The following DSCAML1 variants were observed in gnomAD, a reference collection of about 807,000 sequenced individuals.
DSCAML1 encodes the protein DS cell adhesion molecule like 1, also known as cell adhesion molecule DSCAML1.
DSCAML1 carries 38 observed loss-of-function variants against 200.5 expected under a neutral mutation model. The ratio of observed to expected loss-of-function variants is 0.19; its 90% CI spans 0.15 to 0.25. The LOEUF (loss-of-function observed/expected upper bound fraction) is 0.25, where lower values mean the gene tolerates loss of function less well. DSCAML1 is among the 10% of genes least tolerant of loss of function. The probability of loss-of-function intolerance (pLI) is 1.00; values close to 1 mark genes in which losing one functional copy is unlikely to be tolerated. For missense variants in DSCAML1, 2,223 were observed against 2,858.8 expected (o/e 0.78, Z 5.07); for synonymous variants, 1,215 against 1,165.0 (o/e 1.04, Z -0.87).
chr11:117,811,071 G>C (rs180697087), intron 1 of DSCAML1, among the ~76,000 whole-genome samples: 1 of 152,048 alleles, frequency 6.6e-6, no homozygotes, highest in Non-Finnish European at 1.5e-5. Context: ...TTACAGTTTC[G>C]TTCTGTGACT....
At chr11:117,523,301 T>C (rs1291250182) in intron 5 of DSCAML1, among the ~76,000 whole-genome samples, 1 of 151,198 alleles carries the variant, frequency 6.6e-6, no homozygotes, top group Non-Finnish European at 1.5e-5. Flanking sequence ...AGAGAGAGAG[T>C]GTAGAGCAGG....
At chr11:117,661,576 A>G (rs2052854104) in intron 3 of DSCAML1, among the ~76,000 whole-genome samples, 1 of 152,128 alleles carries the variant, frequency 6.6e-6, no homozygotes, top group South Asian at 2.1e-4. Context: ...TCTCCCCTCC[A>G]ATCAGTCCCA....
At position 117,602,144 on chromosome 11, in the gene DSCAML1, C is replaced by T. The variant is rs913445152; in HGVS notation, c.512-69622G>A. On this transcript the variant is annotated intron_variant, in intron 3 of 32. Transcript: ENST00000651296. ...ATGGCCCAGAGGTGCTGCCTTCTCA[C>T]GACCTCTAAAAACAGAAGTTTAATT... 1.3e-4 allele frequency among the ~76,000 whole-genome samples: 20 copies of T among 152,262 alleles called. 1 individual carries two copies. The highest frequency in any genetic ancestry group is 3.4e-4 in the African/African-American group (14 of 41,472).
At chr11:117,749,991 A>G (rs147924712) in intron 3 of DSCAML1, among the ~76,000 whole-genome samples, 155 of 152,318 alleles carry the variant, frequency 1.0e-3, no homozygotes, top group African/African-American at 3.6e-3. Flanking sequence ...TGTTCGACAT[A>G]TTAGGATTTG....
At chr11:117,704,437 G>A (rs534083773) in intron 3 of DSCAML1, among the ~76,000 whole-genome samples, 8 of 151,976 alleles carry the variant, frequency 5.3e-5, no homozygotes, top group Middle Eastern at 3.4e-3. Context: ...GTGCACGCGC[G>A]CACACACACA....
intron 1 of DSCAML1, among the ~76,000 whole-genome samples, chr11:117,805,829 A>G (rs1365414979): frequency 6.6e-6 from 1 of 152,202 alleles, no homozygotes; most frequent in Non-Finnish European, 1.5e-5. Context: ...GTGGAGTAGA[A>G]GATGTTTAAA....
In DSCAML1 at chr11:117,489,814, T is replaced by C. The variant is rs2049150637; in HGVS notation, c.2360-7652A>G. On this transcript the variant is annotated intron_variant, in intron 11 of 32. Coordinates refer to ENST00000651296, the MANE Select transcript of DSCAML1 (RefSeq NM_020693.4). The surrounding 1 kb of genome is among the most constrained non-coding windows in gnomAD (Gnocchi z 4.8). Reference sequence around the variant, plus strand: ...CGGGGCATCCCCTGCATGGCACGTGTCCTCCGGCAGCGTCCTTGCCTCCTT... The same window carrying C: ...CGGGGCATCCCCTGCATGGCACGTGCCCTCCGGCAGCGTCCTTGCCTCCTT... 6.6e-6 allele frequency among the ~76,000 whole-genome samples: 1 copy of C among 152,178 alleles called. No individual in the cohort carries two copies. The highest frequency in any genetic ancestry group is 6.5e-5 in the Admixed American group (1 of 15,278).
intron 8 of DSCAML1, among the ~76,000 whole-genome samples, chr11:117,511,906 C>A (rs147265787): frequency 6.6e-6 from 1 of 152,270 alleles, no homozygotes; most frequent in African/African-American, 2.4e-5. Flanking sequence ...AGGGTGCACA[C>A]GCACGAGTGC....
At chr11:117,807,667 G>C (rs57211591) in intron 1 of DSCAML1, among the ~76,000 whole-genome samples, 1 of 152,180 alleles carries the variant, frequency 6.6e-6, no homozygotes, top group Non-Finnish European at 1.5e-5. Context: ...ATGGCCAGCA[G>C]GTGTCGCCCA....
chr11:117,675,509 G>T (rs1396152427), intron 3 of DSCAML1, among the ~76,000 whole-genome samples: 1 of 134,374 alleles, frequency 7.4e-6, no homozygotes, highest in East Asian at 2.1e-4. Flanking sequence ...TAGAGACAGG[G>T]TCTCACCATG....
At chr11:117,745,591 C>T (rs536912713) in intron 3 of DSCAML1, among the ~76,000 whole-genome samples, 1 of 152,304 alleles carries the variant, frequency 6.6e-6, no homozygotes, top group South Asian at 2.1e-4. Context: ...TGTCAGCACC[C>T]AGACAGACTC....
intron 3 of DSCAML1, among the ~76,000 whole-genome samples, chr11:117,660,498 A>G (rs1190964894): frequency 2.0e-5 from 3 of 152,216 alleles, no homozygotes; most frequent in African/African-American, 7.2e-5. Flanking sequence ...TTTGGTAGGC[A>G]GCAAGGGCAA....
chr11:117,449,434 G>A (rs1389535403), intron 20 of DSCAML1, among the ~76,000 whole-genome samples: 1 of 152,112 alleles, frequency 6.6e-6, no homozygotes, highest in Non-Finnish European at 1.5e-5. Context: ...GCGGGGAGCT[G>A]GGCCACCTAC....
At chr11:117,439,104 C>T in intron 23 of DSCAML1, 121 bp from the exon 24 acceptor site, 2 of 1,336,714 alleles carry the variant, frequency 1.5e-6, no homozygotes, top group Non-Finnish European at 2.0e-6. Context: ...TCCCACTCCC[C>T]AGCTCTCCTG....
At chr11:117,545,661 G>A (rs1193424649) in intron 3 of DSCAML1, among the ~76,000 whole-genome samples, 1 of 152,172 alleles carries the variant, frequency 6.6e-6, no homozygotes, top group African/African-American at 2.4e-5. Context: ...GGGGAAGAAA[G>A]ACTGAGTCTA....
In DSCAML1 at chr11:117,763,972, C is replaced by T. The variant is rs149396140; in HGVS notation, c.511+12819G>A. 6.7e-4 allele frequency among the ~76,000 whole-genome samples: 102 copies of T among 152,316 alleles called. 1 individual carries two copies. The highest frequency in any genetic ancestry group is 2.4e-3 in the African/African-American group (101 of 41,574). ...CAAAAGATGGGTGTCCCCCACCTCTCAGTCCCCCAAGAACTTGATTCCTTT... is the reference window on the plus strand; with the variant it reads ...CAAAAGATGGGTGTCCCCCACCTCTTAGTCCCCCAAGAACTTGATTCCTTT... On this transcript the variant is annotated intron_variant, in intron 3 of 32. Transcript: ENST00000651296.
intron 3 of DSCAML1, among the ~76,000 whole-genome samples, chr11:117,724,653 C>G (rs566705627): frequency 9.8e-5 from 15 of 152,368 alleles, no homozygotes; most frequent in African/African-American, 3.4e-4. Flanking sequence ...GTAAGTAATT[C>G]TACAGCCTCA....
intron 2 of DSCAML1, among the ~76,000 whole-genome samples, chr11:117,778,020 T>C (rs146911668): frequency 1.0e-3 from 154 of 152,274 alleles, no homozygotes; most frequent in Admixed American, 1.8e-3. Flanking sequence ...AGGGTGACAC[T>C]TAGGGCCCTG....
chr11:117,496,653 T>C (rs1303856172), intron 11 of DSCAML1, among the ~76,000 whole-genome samples: 1 of 152,206 alleles, frequency 6.6e-6, no homozygotes, highest in African/African-American at 2.4e-5. Context: ...GCTGTGGTCA[T>C]GGGGACTGCA....
Sources: gnomAD v4.1 joint callset for allele counts (sites outside exome capture counted in the v4.1 genomes callset) on GRCh38, gnomAD v4.1.1 for gene constraint, Gnocchi (gnomAD v3.1) non-coding constraint, MANE v1.5 for transcripts, NCBI Gene and HGNC (gene_info 2026-07-23, HGNC 2026-07-21) for gene names.